HMCN2: variants seen among roughly 807,000 people sequenced by gnomAD.
HMCN2 encodes hemicentin-2.
In HMCN2, 325 loss-of-function variants were observed where a neutral mutation model predicts 377.5. The observed-to-expected ratio is 0.86, with a 90% CI of 0.79 to 0.94. The LOEUF is 0.94. Ranked by LOEUF, HMCN2 falls within the 40% of genes least tolerant of loss-of-function variation. The pLI, the probability that HMCN2 is intolerant of heterozygous loss-of-function variation, is 0.00. For synonymous variants in HMCN2, 2,007 were observed against 2,046.8 expected (o/e 0.98, Z 0.53); for missense variants, 4,543 against 4,725.3 (o/e 0.96, Z 1.13).
intron 26 of HMCN2, chr9:130,348,069 G>T: frequency 2.0e-6 from 2 of 984,950 alleles, no homozygotes; most frequent in Non-Finnish European, 2.4e-6. Context: ...GGTCTCTGTC[G>T]GCAGGATGAA....
rs762416609 is a variant in HMCN2, at chr9:130,353,073, A to G, written c.4732A>G (p.Lys1578Glu). 51 of 1,304,048 alleles carry G rather than the reference A, an allele frequency of 3.9e-5. No homozygotes were observed. The highest frequency in any genetic ancestry group is 4.9e-5 in the Non-Finnish European group (48 of 988,928). 80.8% of individuals were successfully genotyped at this position (1,304,048 alleles called of 1,614,324 possible). Residue 1578 changes from lysine to glutamate, a missense_variant, in exon 31 of 98, where the codon AAG becomes GAG. Lys to Glu is a moderately conservative substitution (Grantham distance 56, BLOSUM62 1). Coordinates refer to ENST00000683500, the MANE Select transcript of HMCN2 (RefSeq NM_001291815.2). ...CGGGGCCCTGCTCCCCACCAGCACC[A>G]AGGTGGTCTACACTAGGGGCGGTCG... ...KDGALLPTST[K>E]VVYTRGGRQL... is the part of the protein sequence containing the mutation.
Position 130,403,190 on chromosome 9 carries a change from G to T in HMCN2, c.11879-4G>T, listed in dbSNP as rs1376734255. The T allele has an allele frequency of 7.8e-7, 1 of 1,288,468 alleles. No individual in the cohort carries two copies. Among genetic ancestry groups the T allele is most frequent in the Admixed American group, 2.3e-5 (1 of 43,482 alleles). The allele number at this position is 1,288,468 out of a possible 1,614,324, so 79.8% of individuals were successfully genotyped here. ...AGGGCCCTCTGCACCCCCGTCCTTT[G>T]TAGCCTCCCCGGTGGTGAAGCCGCT... On this transcript the variant is annotated splice_region_variant and splice_polypyrimidine_tract_variant and intron_variant, in intron 78 of 97. Coordinates refer to ENST00000683500, the MANE Select transcript of HMCN2 (RefSeq NM_001291815.2).
chr9:130,333,959 G>A (rs892821227), intron 22 of HMCN2, among the ~76,000 whole-genome samples: 5 of 152,178 alleles, frequency 3.3e-5, no homozygotes, highest in Admixed American at 2.6e-4. Flanking sequence ...GTGACAGGTG[G>A]TGACAAGCCA....
rs58211762 is a variant in HMCN2, at chr9:130,398,338, G to A, written c.11327-213G>A. ...GCCTGGAGGCTTCAGTCAAGGAAAG[G>A]CACTGAGGGGGTGCCAGGCTCAGGG... On this transcript the variant is annotated intron_variant, in intron 74 of 97. Coordinates refer to ENST00000683500, the MANE Select transcript of HMCN2 (RefSeq NM_001291815.2). 4.3e-3 allele frequency among the ~76,000 whole-genome samples: 660 copies of A among 152,194 alleles called. 2 individuals carry two copies. The highest frequency in any genetic ancestry group is 0.015 in the African/African-American group (609 of 41,506).
In HMCN2 at chr9:130,266,047, A is replaced by G. The variant is rs1554918813; in HGVS notation, c.169A>G (p.Ile57Val). ...GSMWDELMQV[I>V]DGASRILERS... is the part of the protein sequence containing the mutation. ...CATGTGGGACGAACTGATGCAGGTG[A>G]TCGATGGCGCCTCGCGCATTCTGGA... is the stretch of plus-strand genomic sequence containing the variant. The change falls in exon 1 of 98, where the codon ATC becomes GTC. Residue 57 changes from isoleucine (I) to valine (V), a missense_variant. This residue lies in a region of HMCN2 where 547 missense variants were observed against 189.9 expected (regional missense o/e 2.88). Transcript: ENST00000683500. The G allele has an allele frequency of 6.4e-6, 3 of 470,798 alleles. No individual in the cohort carries two copies. Among genetic ancestry groups the G allele is most frequent in the African/African-American group, 6.0e-5 (3 of 50,058 alleles). The allele number at this position is 470,798 out of a possible 1,614,324, so 29.2% of individuals were successfully genotyped here.
At position 130,424,929 on chromosome 9, in the gene HMCN2, C is replaced by G. The variant is rs544243237; in HGVS notation, c.13519+16C>G. On this transcript the variant is annotated intron_variant, in intron 88 of 97. Coordinates refer to ENST00000683500, the MANE Select transcript of HMCN2 (RefSeq NM_001291815.2). The stretch of plus-strand genomic sequence containing the variant: ...TTTGCTACAGGTAAACAGGGCCTCC[C>G]CCAGGTGGGCCAGGTAGGACTAAAG... 104 of 1,465,414 alleles carry G rather than the reference C, an allele frequency of 7.1e-5. No individual in the cohort carries two copies. In the South Asian group the frequency reaches 1.3e-3, roughly 19 times the overall value. 90.8% of individuals were successfully genotyped at this position (1,465,414 alleles called of 1,614,324 possible). A position where few individuals can be genotyped will look rare whatever the true frequency, so the allele number is the denominator to read the frequency against.
chr9:130,388,221 C>T (rs1842120653), intron 61 of HMCN2, among the ~76,000 whole-genome samples, 188 bp from the exon 62 acceptor site: 1 of 152,148 alleles, frequency 6.6e-6, no homozygotes, highest in Non-Finnish European at 1.5e-5. Flanking sequence ...CTAAGGAGAC[C>T]CCGCTGGAGC....
intron 24 of HMCN2, among the ~76,000 whole-genome samples, 160 bp downstream of exon 24, chr9:130,341,525 C>G (rs1043705961): frequency 2.6e-5 from 4 of 152,214 alleles, no homozygotes; most frequent in Non-Finnish European, 5.9e-5. Flanking sequence ...TCCAGCCCCA[C>G]AGCTTTGGGG....
chr9:130,392,369 A>G (rs1185520265), intron 66 of HMCN2, among the ~76,000 whole-genome samples: 2 of 152,278 alleles, frequency 1.3e-5, no homozygotes, highest in South Asian at 4.1e-4. Context: ...ACTGGGCCAC[A>G]GGAGACGAGG....
In HMCN2 at chr9:130,286,313, G is replaced by A. The variant is rs1564748135; in HGVS notation, c.612+3G>A. The stretch of plus-strand genomic sequence containing the variant: ...TGGACAAGCAGCAAGTGACAGAGGT[G>A]AGCACTGGGAGGGGGCACCATCCCG... On this transcript the variant is annotated splice_donor_region_variant and intron_variant, in intron 4 of 97. Transcript: ENST00000683500. The A allele has an allele frequency of 2.1e-6, 1 of 470,884 alleles. No individual in the cohort carries two copies. The highest frequency in any genetic ancestry group is 4.4e-6 in the Non-Finnish European group (1 of 227,038). 29.2% of individuals were successfully genotyped at this position (470,884 alleles called of 1,614,324 possible).
At chr9:130,425,465 T>C (rs1174350435) in intron 89 of HMCN2, among the ~76,000 whole-genome samples, 3 of 150,814 alleles carry the variant, frequency 2.0e-5, no homozygotes, top group Non-Finnish European at 4.4e-5. Flanking sequence ...GCTCACCCCA[T>C]CTCCTCCCAA....
Position 130,404,962 on chromosome 9 carries a change from CCAA to C in HMCN2, c.12245_12247del (p.Asn4082del). On this transcript the variant is annotated inframe_deletion, in exon 81 of 98. Transcript: ENST00000683500. Reference sequence around the variant, plus strand: ...TGCAAGGCGAGGGGCAGTCCTGAGCCCAACATCACCTGGGACAAAGATGGCCAG... The same window carrying C: ...TGCAAGGCGAGGGGCAGTCCTGAGCCCATCACCTGGGACAAAGATGGCCAG... 7.8e-7 allele frequency: 1 copy of C among 1,289,488 alleles called. No individual in the cohort carries two copies. The highest frequency in any genetic ancestry group is 1.0e-6 in the Non-Finnish European group (1 of 988,732). 79.9% of individuals were successfully genotyped at this position (1,289,488 alleles called of 1,614,324 possible). A position where few individuals can be genotyped will look rare whatever the true frequency, so the allele number is the denominator to read the frequency against.
chr9:130,312,186 CCTATAGCCCCTGG>C (rs1172522924), intron 15 of HMCN2, among the ~76,000 whole-genome samples: 3 of 152,110 alleles, frequency 2.0e-5, no homozygotes, highest in African/African-American at 7.2e-5. Context: ...GGGTCTTGCA[CCTATAGCCCCTGG>C]CCTTGAGTCT....
Position 130,382,886 on chromosome 9 carries a change from C to G in HMCN2, c.8733+20C>G. 6.1e-6 allele frequency: 6 copies of G among 984,892 alleles called. No individual in the cohort carries two copies. The highest frequency in any genetic ancestry group is 7.2e-6 in the Non-Finnish European group (6 of 829,148). 61.0% of individuals were successfully genotyped at this position (984,892 alleles called of 1,614,324 possible). A position where few individuals can be genotyped will look rare whatever the true frequency, so the allele number is the denominator to read the frequency against. The stretch of plus-strand genomic sequence containing the variant: ...TTGCAGGTCAGGGCAGCCCCCTGCA[C>G]GGGCTAGGGGCAGTGGCTGCTGAGG... On this transcript the variant is annotated intron_variant, in intron 56 of 97. Transcript: ENST00000683500.
chr9:130,302,120 C>T (rs546926677), intron 8 of HMCN2, among the ~76,000 whole-genome samples: 3 of 151,898 alleles, frequency 2.0e-5, no homozygotes, highest in East Asian at 3.9e-4. Flanking sequence ...TGGCTCACTG[C>T]AGTCTCCGCC....
Position 130,376,578 on chromosome 9 carries a change from A to C in HMCN2, c.7981A>C (p.Lys2661Gln). 17 of 985,798 alleles carry C rather than the reference A, an allele frequency of 1.7e-5. No individual in the cohort carries two copies. Among genetic ancestry groups the C allele is most frequent in the Non-Finnish European group, 1.8e-5 (15 of 829,944 alleles). 61.1% of individuals were successfully genotyped at this position (985,798 alleles called of 1,614,324 possible). The change falls in exon 52 of 98, where the codon AAG becomes CAG. Residue 2661 changes from lysine to glutamine, a missense_variant. Around this residue, in one of 5 missense-constraint regions of HMCN2, gnomAD observed 736 missense variants for 773.2 expected, o/e 0.95. Coordinates refer to ENST00000683500, the MANE Select transcript of HMCN2 (RefSeq NM_001291815.2). ...AEVGVKEVKT[K>Q]VNSTLTLECE... ...GGTCGGCGTGAAGGAGGTGAAGACCAAGGTCAACAGCACCTTGACCTTGGA... is the reference window on the plus strand; with the variant it reads ...GGTCGGCGTGAAGGAGGTGAAGACCCAGGTCAACAGCACCTTGACCTTGGA...
chr9:130,432,369 C>T, intron 96 of HMCN2, 60 bp from the exon 97 acceptor site: 5 of 1,519,952 alleles, frequency 3.3e-6, no homozygotes, highest in Non-Finnish European at 2.7e-6. Flanking sequence ...CGCACTCCCC[C>T]CTTCTCCTTT....
chr9:130,406,433 G>C, intron 82 of HMCN2: 1 of 343,624 alleles, frequency 2.9e-6, no homozygotes, highest in Non-Finnish European at 5.8e-6. Context: ...GGGGAGGCCT[G>C]TGTTCTAGTC....
Position 130,425,731 on chromosome 9 carries a change from C to T in HMCN2, c.13686C>T (p.Phe4562=), listed in dbSNP as rs1269827324. 9.3e-6 allele frequency: 14 copies of T among 1,498,270 alleles called. No individual in the cohort carries two copies. Among genetic ancestry groups the T allele is most frequent in the Middle Eastern group, 1.7e-4 (1 of 5,734 alleles). The allele number at this position is 1,498,270 out of a possible 1,614,324, so 92.8% of individuals were successfully genotyped here. Residue 4562 remains phenylalanine (F), a synonymous_variant, in exon 90 of 98, where the codon TTC becomes TTT. Transcript: ENST00000683500. ...TGCAAACAGGGCCTGGCCAGCTGTT[C>T]GTGGGCTCCACACAGCGCTTCTTCC... ...HYVQTGPGQL[F]VGSTQRFFQG...
Sources: gnomAD v4.1 joint callset for allele counts (sites outside exome capture counted in the v4.1 genomes callset) on GRCh38, gnomAD v4.1.1 for gene constraint, gnomAD v4.1.1 regional missense constraint, MANE v1.5 for transcripts, NCBI Gene and HGNC (gene_info 2026-07-23, HGNC 2026-07-21) for gene names.